Variants in STARD10 observed in about 807,000 individuals in gnomAD.
The protein encoded by STARD10 is START domain-containing protein 10.
A neutral mutation model predicts 36.0 loss-of-function variants in STARD10; 24 were observed. The observed-to-expected ratio is 0.67, with a 90% CI of 0.48 to 0.94. The LOEUF is 0.94. Ranked by LOEUF, STARD10 falls within the 40% of genes least tolerant of loss-of-function variation. STARD10 has a pLI of 0.00. For missense variants in STARD10, 335 were observed against 396.6 expected, an observed-to-expected ratio of 0.84 and a Z score of 1.32; for synonymous variants, 156 against 161.9, an observed-to-expected ratio of 0.96 and a Z score of 0.28.
intron 6 of STARD10, 30 bp from the exon 7 acceptor site, chr11:72,755,172 G>T: frequency 1.3e-6 from 2 of 1,587,760 alleles, no homozygotes; most frequent in South Asian, 2.3e-5. Flanking sequence ...CCGGGTCAGG[G>T]GGTGGCTAGG....
Position 72,793,744 on chromosome 11 carries a change from C to T in STARD10, c.-983G>A, listed in dbSNP as rs1342590125. 6.6e-6 allele frequency: 1 copy of T among 152,216 alleles called. No homozygotes were observed. Among genetic ancestry groups the T allele is most frequent in the Non-Finnish European group, 1.5e-5 (1 of 68,032 alleles). The allele number at this position is 152,216 out of a possible 1,614,324, so 9.4% of individuals were successfully genotyped here. On this transcript the variant is annotated 5_prime_UTR_variant, in exon 1 of 7. Transcript: ENST00000334805. ...TGGTGTTTACAGCGGCCGCGAAGCC[C>T]CGCGTTTGCGCGTGCGCTTCCCGCC... is the stretch of plus-strand genomic sequence containing the variant.
chr11:72,782,261 C>T (rs1014731038), intron 1 of STARD10: 2 of 152,528 alleles, frequency 1.3e-5, no homozygotes, highest in African/African-American at 4.8e-5. Flanking sequence ...AATCAAGAGA[C>T]TAACTCGCAG....
chr11:72,769,563 C>T (rs1355135525), intron 2 of STARD10, among the ~76,000 whole-genome samples: 1 of 152,004 alleles, frequency 6.6e-6, no homozygotes, highest in Non-Finnish European at 1.5e-5. Flanking sequence ...AGGCTGGTCT[C>T]AAATTCCTGG....
chr11:72,788,850 TGCTCCCA>T (rs1338059163), intron 1 of STARD10, among the ~76,000 whole-genome samples: 1 of 152,156 alleles, frequency 6.6e-6, no homozygotes, highest in Non-Finnish European at 1.5e-5. Context: ...CGTGAGCCCC[TGCTCCCA>T]GCCCATTTTT....
At chr11:72,770,257 C>T (rs988151448) in intron 2 of STARD10, among the ~76,000 whole-genome samples, 104 of 152,244 alleles carry the variant, frequency 6.8e-4, no homozygotes, top group African/African-American at 2.3e-3. Context: ...TTGGCTCTGT[C>T]GCCCAGGCTG....
At chr11:72,764,813 G>C (rs529506817) in intron 2 of STARD10, among the ~76,000 whole-genome samples, 1 of 152,214 alleles carries the variant, frequency 6.6e-6, no homozygotes, top group Non-Finnish European at 1.5e-5. Flanking sequence ...AGATGTTGCC[G>C]TCAGGTGTTG....
intron 1 of STARD10, among the ~76,000 whole-genome samples, chr11:72,792,444 G>A (rs1161223606): frequency 6.6e-6 from 1 of 151,998 alleles, no homozygotes; most frequent in Non-Finnish European, 1.5e-5. Flanking sequence ...TCTGTAATGA[G>A]ACCTCAGGGT....
rs1858689456 is a variant in STARD10, at chr11:72,759,511, G to T, written c.208-130C>A. ...CAAAGAACAGGGGCCTCTGAAACCA[G>T]CATGGACTTCCTTCTTGCCACAAGC... is the stretch of plus-strand genomic sequence containing the variant. On this transcript the variant is annotated intron_variant, in intron 2 of 6. Transcript: ENST00000334805. 5 of 1,118,352 alleles carry T rather than the reference G, an allele frequency of 4.5e-6. No individual in the cohort carries two copies. In the South Asian group the frequency reaches 7.4e-5, roughly 16 times the overall value. 69.3% of individuals were successfully genotyped at this position (1,118,352 alleles called of 1,614,324 possible). A position where few individuals can be genotyped will look rare whatever the true frequency, so the allele number is the denominator to read the frequency against.
intron 2 of STARD10, among the ~76,000 whole-genome samples, chr11:72,770,141 T>G (rs995419259): frequency 5.3e-5 from 8 of 152,238 alleles, no homozygotes; most frequent in African/African-American, 1.9e-4. Flanking sequence ...CCGGATGATT[T>G]ATCTTTATTT....
At chr11:72,788,056 G>T (rs1248516157) in intron 1 of STARD10, among the ~76,000 whole-genome samples, 1 of 152,170 alleles carries the variant, frequency 6.6e-6, no homozygotes, top group Non-Finnish European at 1.5e-5. Context: ...GAGGGAAGGG[G>T]CTCCTCTGGG....
At chr11:72,788,115 A>G (rs1859096965) in intron 1 of STARD10, among the ~76,000 whole-genome samples, 1 of 152,098 alleles carries the variant, frequency 6.6e-6, no homozygotes, top group Non-Finnish European at 1.5e-5. Context: ...TCCTGGACCT[A>G]CCCAGGGAGA....
At chr11:72,780,388 G>T (rs1219781382) in intron 2 of STARD10, 4 of 449,550 alleles carry the variant, frequency 8.9e-6, no homozygotes, top group Admixed American at 2.4e-5. Context: ...TCTGTGCAAG[G>T]CAGGGGTATT....
chr11:72,785,560 CAAAAAAAAAAAAA>C lies in STARD10; in HGVS notation c.-113-4279_-113-4267del, dbSNP rs869274892. On this transcript the variant is annotated intron_variant, in intron 1 of 6. Transcript: ENST00000334805. The stretch of plus-strand genomic sequence containing the variant: ...TGGGTGACAGGGCGAGGCTCTGTCT[CAAAAAAAAAAAAA>C]AAAAAAAAAAAAAAGGGAATAAGAA... Among the ~76,000 whole-genome samples, 7 of 41,558 alleles carry C rather than the reference CAAAAAAAAAAAAA, an allele frequency of 1.7e-4. No homozygotes were observed. In the South Asian group the frequency reaches 6.0e-3, roughly 36 times the overall value. 27.3% of individuals were successfully genotyped at this position (41,558 alleles called of 152,430 possible). A position where few individuals can be genotyped will look rare whatever the true frequency, so the allele number is the denominator to read the frequency against.
intron 2 of STARD10, among the ~76,000 whole-genome samples, chr11:72,777,442 T>C (rs903165133): frequency 2.0e-5 from 3 of 150,804 alleles, no homozygotes; most frequent in Non-Finnish European, 4.4e-5. Context: ...CCTGGTTGAA[T>C]GACTGACAGA....
intron 2 of STARD10, among the ~76,000 whole-genome samples, chr11:72,768,633 A>G (rs1166647624): frequency 6.6e-6 from 1 of 151,956 alleles, no homozygotes; most frequent in Non-Finnish European, 1.5e-5. Context: ...TATGTCTTCA[A>G]TATGTCTTCA....
At chr11:72,764,724 T>A (rs1174870935) in intron 2 of STARD10, among the ~76,000 whole-genome samples, 2 of 152,028 alleles carry the variant, frequency 1.3e-5, no homozygotes, top group Admixed American at 1.3e-4. Flanking sequence ...TAGGGCTGAG[T>A]CTCTGGAGAG....
rs1372730208 is a variant in STARD10 at position 72,787,016 on chromosome 11, C to T, written c.-113-5722G>A. Among the ~76,000 whole-genome samples the T allele has an allele frequency of 6.3e-5, 9 of 143,702 alleles. No individual in the cohort carries two copies. In the East Asian group the frequency reaches 8.4e-4, roughly 13 times the overall value. 94.3% of individuals were successfully genotyped at this position (143,702 alleles called of 152,430 possible). ...AGAGGATCACTTGAGCCCAGGAGTT[C>T]GAGGCTGCAGTGAGCTATGATCGTA... is the stretch of plus-strand genomic sequence containing the variant. On this transcript the variant is annotated intron_variant, in intron 1 of 6. Coordinates refer to ENST00000334805, the MANE Select transcript of STARD10 (RefSeq NM_006645.3).
intron 2 of STARD10, among the ~76,000 whole-genome samples, chr11:72,770,887 T>C (rs1858846315): frequency 6.6e-6 from 1 of 152,148 alleles, no homozygotes; most frequent in Non-Finnish European, 1.5e-5. Context: ...GAAGGATCAA[T>C]GCAGTGCCAC....
At chr11:72,789,255 A>G (rs1859112864) in intron 1 of STARD10, among the ~76,000 whole-genome samples, 2 of 152,196 alleles carry the variant, frequency 1.3e-5, no homozygotes, top group Non-Finnish European at 2.9e-5. Context: ...GCACACAGTG[A>G]GTGCTCAATA....
Sources: gnomAD v4.1 joint callset for allele counts (sites outside exome capture counted in the v4.1 genomes callset) on GRCh38, gnomAD v4.1.1 for gene constraint, MANE v1.5 for transcripts, NCBI Gene and HGNC (gene_info 2026-07-23, HGNC 2026-07-21) for gene names.